The following RIMS1 variants were observed in gnomAD, a reference collection of about 807,000 sequenced individuals.
RIMS1 encodes the protein regulating synaptic membrane exocytosis 1, also known as regulating synaptic membrane exocytosis protein 1.
In RIMS1, 83 loss-of-function variants were observed where a neutral mutation model predicts 214.1. That is an observed-to-expected ratio of 0.39 (90% CI 0.32 to 0.47). RIMS1 has a LOEUF of 0.47. Among genes scored for constraint, RIMS1 ranks in the 20% least tolerant of loss-of-function variants. The pLI is 0.99. For missense variants in RIMS1, 2,050 were observed against 2,161.8 expected (o/e 0.95, Z 1.03); for synonymous variants, 793 against 786.8 (o/e 1.01, Z -0.13).
chr6:72,317,163 C>CT (rs1462522502), intron 28 of RIMS1: 1 of 342,950 alleles, frequency 2.9e-6, no homozygotes. Flanking sequence ...AGGGTGCCCC[C>CT]TCCCCAGAGT....
At position 72,123,378 on chromosome 6, in the gene RIMS1, T is replaced by A. The variant is rs540310225; in HGVS notation, c.471+23392T>A. 8.6e-5 allele frequency among the ~76,000 whole-genome samples: 13 copies of A among 151,990 alleles called. No homozygotes were observed. In the East Asian group the frequency reaches 2.3e-3, roughly 27 times the overall value. On this transcript the variant is annotated intron_variant, in intron 4 of 33. Coordinates refer to ENST00000521978, the MANE Select transcript of RIMS1 (RefSeq NM_014989.7). ...CTGTTCTTTTACATTTGCTGAGGAC[T>A]GCTTTACTTCCCACCATGTGGTCAG... is the stretch of plus-strand genomic sequence containing the variant.
chr6:72,271,289 ATATATATAT>A (rs2083219903), intron 22 of RIMS1, among the ~76,000 whole-genome samples: 4 of 13,982 alleles, frequency 2.9e-4, no homozygotes, highest in Non-Finnish European at 3.6e-4. Context: ...AAAAAAAAAT[ATATATATAT>A]ATATATATAT....
chr6:72,089,291 C>A (rs1257286546), intron 2 of RIMS1, among the ~76,000 whole-genome samples: 2 of 152,176 alleles, frequency 1.3e-5, no homozygotes, highest in East Asian at 3.8e-4. Flanking sequence ...CGACAACACA[C>A]TGGGCATCAT....
At chr6:72,119,925 T>C (rs1587475114) in intron 4 of RIMS1, among the ~76,000 whole-genome samples, 1 of 151,754 alleles carries the variant, frequency 6.6e-6, no homozygotes, top group African/African-American at 2.4e-5. Flanking sequence ...GTCCTTGTGA[T>C]AGTTTCCTCG....
At chr6:72,399,991 C>A (rs914260210) in intron 33 of RIMS1, among the ~76,000 whole-genome samples, 1 of 152,104 alleles carries the variant, frequency 6.6e-6, no homozygotes, top group Non-Finnish European at 1.5e-5. Context: ...TTTTGACCTA[C>A]CCCTTCACTA....
chr6:72,126,017 G>A (rs576293340), intron 4 of RIMS1, among the ~76,000 whole-genome samples: 1 of 152,288 alleles, frequency 6.6e-6, no homozygotes, highest in East Asian at 1.9e-4. Flanking sequence ...CATTCCCAGT[G>A]AGATGAACCA....
At chr6:71,895,320 A>G (rs1039859284) in intron 1 of RIMS1, among the ~76,000 whole-genome samples, 3 of 152,226 alleles carry the variant, frequency 2.0e-5, no homozygotes, top group Non-Finnish European at 4.4e-5. Context: ...TTGGTGCACA[A>G]GCATTGTGTG....
chr6:72,183,252 G>A (rs916771095), intron 6 of RIMS1, 103 bp downstream of exon 6: 5 of 1,140,264 alleles, frequency 4.4e-6, no homozygotes, highest in Non-Finnish European at 5.0e-6. Context: ...TTGAGGCTGG[G>A]AATGCTCACA....
chr6:71,952,525 G>T (rs7770816), intron 1 of RIMS1, among the ~76,000 whole-genome samples: 3,272 of 152,302 alleles, frequency 0.021, 116 homozygotes, highest in African/African-American at 0.073. Context: ...ATTGAATGAG[G>T]TAAGTAGCTG....
chr6:72,257,197 G>GT (rs66601335), intron 16 of RIMS1, among the ~76,000 whole-genome samples: 102,462 of 148,250 alleles, frequency 0.69, 36,091 homozygotes, highest in East Asian at 0.97. Flanking sequence ...TGTAAATATA[G>GT]TTTTTTTTTT....
chr6:72,080,944 C>T (rs1471356062), intron 2 of RIMS1, among the ~76,000 whole-genome samples: 3 of 152,172 alleles, frequency 2.0e-5, no homozygotes, highest in South Asian at 4.1e-4. Context: ...TGAGTAGCTA[C>T]AATGTTTTCA....
intron 4 of RIMS1, among the ~76,000 whole-genome samples, chr6:72,108,713 A>C (rs1334406352): frequency 6.6e-6 from 1 of 151,600 alleles, no homozygotes; most frequent in Admixed American, 6.6e-5. Context: ...TTTTATTATT[A>C]TTATACTTTA....
intron 2 of RIMS1, among the ~76,000 whole-genome samples, chr6:72,045,916 T>C (rs937003390): frequency 2.6e-5 from 4 of 151,936 alleles, no homozygotes; most frequent in African/African-American, 9.7e-5. Context: ...ATTTAAGATG[T>C]TATGCTAAAT....
chr6:72,336,992 C>A (rs2096864433), intron 29 of RIMS1, among the ~76,000 whole-genome samples: 1 of 151,750 alleles, frequency 6.6e-6, no homozygotes, highest in South Asian at 2.1e-4. Context: ...TGAAATATTA[C>A]TTAATTTTAA....
chr6:72,161,315 T>C lies in RIMS1; in HGVS notation c.472-18260T>C, dbSNP rs1320705809. On this transcript the variant is annotated intron_variant, in intron 4 of 33. Transcript: ENST00000521978. The stretch of plus-strand genomic sequence containing the variant: ...AGTCTTGCTAGCAGTCTATCAATTT[T>C]GTTGATCTTTTCAAAAAACGAGCTC... Among the ~76,000 whole-genome samples the C allele has an allele frequency of 2.9e-5, 4 of 140,196 alleles. 1 individual carries two copies. The highest frequency in any genetic ancestry group is 4.9e-5 in the African/African-American group (2 of 40,546). The allele number at this position is 140,196 out of a possible 152,430, so 92.0% of individuals were successfully genotyped here. A position where few individuals can be genotyped will look rare whatever the true frequency, so the allele number is the denominator to read the frequency against.
At chr6:72,106,462 C>T (rs1199993562) in intron 4 of RIMS1, among the ~76,000 whole-genome samples, 5 of 152,046 alleles carry the variant, frequency 3.3e-5, no homozygotes, top group Non-Finnish European at 5.9e-5. Flanking sequence ...CACAGAAGAC[C>T]AACAATGTCA....
chr6:71,945,218 A>C (rs999316005), intron 1 of RIMS1, among the ~76,000 whole-genome samples: 2 of 152,214 alleles, frequency 1.3e-5, no homozygotes, highest in African/African-American at 4.8e-5. Context: ...GTGCCTCCCC[A>C]GTCCTGAAAG....
At chr6:72,050,008 A>T (rs2152129692) in intron 2 of RIMS1, among the ~76,000 whole-genome samples, 1 of 152,298 alleles carries the variant, frequency 6.6e-6, no homozygotes, top group Non-Finnish European at 1.5e-5. Flanking sequence ...AACTTACAGA[A>T]TTACTTAGGG....
intron 31 of RIMS1, among the ~76,000 whole-genome samples, chr6:72,397,036 GC>G (rs2098787556): frequency 6.6e-6 from 1 of 151,308 alleles, no homozygotes; most frequent in African/African-American, 2.4e-5. Context: ...AATAAATAAA[GC>G]TTAAAATTTG....
Sources: gnomAD v4.1 joint callset for allele counts (sites outside exome capture counted in the v4.1 genomes callset) on GRCh38, gnomAD v4.1.1 for gene constraint, MANE v1.5 for transcripts, NCBI Gene and HGNC (gene_info 2026-07-23, HGNC 2026-07-21) for gene names.